TECRL: variants seen among roughly 807,000 people sequenced by gnomAD.
TECRL encodes the protein trans-2,3-enoyl-CoA reductase like, also known as trans-2,3-enoyl-CoA reductase-like.
TECRL carries 63 observed loss-of-function variants against 52.8 expected under a neutral mutation model. The observed-to-expected ratio is 1.19, with a 90% CI of 0.97 to 1.47. The LOEUF is 1.47. Ranked by LOEUF, TECRL falls within the 40% of genes most tolerant of loss-of-function variation. TECRL has a pLI of 0.00. For missense variants in TECRL, 482 were observed against 429.6 expected (o/e 1.12, Z -1.08); for synonymous variants, 164 against 141.9 (o/e 1.16, Z -1.10).
intron 1 of TECRL, among the ~76,000 whole-genome samples, chr4:64,403,430 T>TAGCA (rs1240176877): frequency 7.3e-5 from 11 of 149,992 alleles, no homozygotes; most frequent in Admixed American, 4.7e-4. Context: ...GAAAGCAAGC[T>TAGCA]AGCAAGCAAG....
chr4:64,339,447 T>A (rs199669039), intron 2 of TECRL, among the ~76,000 whole-genome samples: 90 of 150,158 alleles, frequency 6.0e-4, no homozygotes, highest in Non-Finnish European at 8.9e-4. Flanking sequence ...ATAATAAAAA[T>A]ATATATATAT....
At chr4:64,397,277 T>C (rs1724020611) in intron 1 of TECRL, among the ~76,000 whole-genome samples, 1 of 152,082 alleles carries the variant, frequency 6.6e-6, no homozygotes, top group Non-Finnish European at 1.5e-5. Flanking sequence ...TTATTTTCTC[T>C]GTAATACCAC....
At chr4:64,388,709 A>G (rs1207403008) in intron 1 of TECRL, among the ~76,000 whole-genome samples, 6 of 151,856 alleles carry the variant, frequency 4.0e-5, no homozygotes, top group Admixed American at 3.9e-4. Flanking sequence ...CATCCAGAGT[A>G]TTTTAGTTTT....
At chr4:64,353,223 A>C (rs1720522327) in intron 2 of TECRL, among the ~76,000 whole-genome samples, 1 of 152,224 alleles carries the variant, frequency 6.6e-6, no homozygotes, top group Non-Finnish European at 1.5e-5. Context: ...AATAAATACC[A>C]TGCTGTTAAA....
intron 1 of TECRL, among the ~76,000 whole-genome samples, chr4:64,394,290 T>A (rs530463882): frequency 1.3e-5 from 2 of 152,168 alleles, no homozygotes; most frequent in African/African-American, 4.8e-5. Flanking sequence ...CCTTATGGTA[T>A]AGAAGAGACA....
At chr4:64,407,401 T>C (rs1463936659) in intron 1 of TECRL, among the ~76,000 whole-genome samples, 1 of 151,928 alleles carries the variant, frequency 6.6e-6, no homozygotes, top group Admixed American at 6.6e-5. Context: ...CGTAAAAATA[T>C]AAAAATCCCT....
intron 2 of TECRL, among the ~76,000 whole-genome samples, chr4:64,374,029 T>TATATATGTATATAGTAGATAC (rs1413648909): frequency 1.1e-3 from 105 of 95,606 alleles, no homozygotes; most frequent in Middle Eastern, 6.1e-3. Flanking sequence ...TAGATACATA[T>TATATATGTATATAGTAGATAC]ATATATATGT....
At chr4:64,408,498 G>C (rs1458266811) in intron 1 of TECRL, among the ~76,000 whole-genome samples, 1 of 151,670 alleles carries the variant, frequency 6.6e-6, no homozygotes, top group Non-Finnish European at 1.5e-5. Context: ...TCATTCCTTA[G>C]TGCAACACCT....
intron 9 of TECRL, among the ~76,000 whole-genome samples, chr4:64,285,888 G>T (rs1029449585): frequency 6.6e-6 from 1 of 152,010 alleles, no homozygotes; most frequent in Admixed American, 6.6e-5. Context: ...CATGTTCTGG[G>T]ATTCAAGGAA....
rs941126111 is a variant in TECRL, at chr4:64,279,733, G to A, written c.*339C>T. 7 of 916,316 alleles carry A rather than the reference G, an allele frequency of 7.6e-6. No individual in the cohort carries two copies. The highest frequency in any genetic ancestry group is 8.9e-5 in the Admixed American group (1 of 11,198). 56.8% of individuals were successfully genotyped at this position (916,316 alleles called of 1,614,324 possible). On this transcript the variant is annotated 3_prime_UTR_variant, in exon 12 of 12. Transcript: ENST00000381210. Reference sequence around the variant, plus strand: ...CCTTTGGGAAATGTCTGTTCAGATCGCTTTTTCATTTGTTAATCAGATTTT... The same window carrying A: ...CCTTTGGGAAATGTCTGTTCAGATCACTTTTTCATTTGTTAATCAGATTTT...
intron 2 of TECRL, among the ~76,000 whole-genome samples, chr4:64,357,272 A>G (rs1037754911): frequency 1.3e-5 from 2 of 152,112 alleles, no homozygotes; most frequent in African/African-American, 2.4e-5. Context: ...ATCATATTGG[A>G]TAACTATTAA....
intron 2 of TECRL, among the ~76,000 whole-genome samples, chr4:64,370,247 GA>G (rs1391728643): frequency 6.6e-6 from 1 of 151,734 alleles, no homozygotes; most frequent in African/African-American, 2.4e-5. Context: ...ATTTGAAGAG[GA>G]AATATGGATG....
rs369651064 is a variant in TECRL, at chr4:64,375,215, T to C, written c.243A>G (p.Gln81=). 72 of 1,407,444 alleles carry C rather than the reference T, an allele frequency of 5.1e-5. No individual in the cohort carries two copies. In the East Asian group the frequency reaches 1.5e-3, roughly 29 times the overall value. 87.2% of individuals were successfully genotyped at this position (1,407,444 alleles called of 1,614,324 possible). The change falls in exon 2 of 12, where the codon CAA becomes CAG. Residue 81 remains glutamine, a synonymous_variant. Coordinates refer to ENST00000381210, the MANE Select transcript of TECRL (RefSeq NM_001010874.5). ...KQICILDKVT[Q]SSTIHDVKQK... is the part of the protein sequence containing the mutation. Reference sequence around the variant, plus strand: ...GCTTAACATCATGAATAGTAGATGATTGTGTCACCTGAAAAGGAAAAGAAA... The same window carrying C: ...GCTTAACATCATGAATAGTAGATGACTGTGTCACCTGAAAAGGAAAAGAAA...
At chr4:64,314,931 G>C (rs1336341043) in intron 4 of TECRL, among the ~76,000 whole-genome samples, 168 bp from the exon 5 acceptor site, 1 of 152,126 alleles carries the variant, frequency 6.6e-6, no homozygotes, top group Non-Finnish European at 1.5e-5. Context: ...ACCAGGGGGA[G>C]AAAGCCTAAT....
chr4:64,296,316 C>G (rs1009995675), intron 8 of TECRL, among the ~76,000 whole-genome samples: 1 of 151,720 alleles, frequency 6.6e-6, no homozygotes, highest in Middle Eastern at 3.2e-3. Context: ...CTTCTGTACC[C>G]GAGGTTCTTT....
chr4:64,361,296 C>G (rs373345731), intron 2 of TECRL, among the ~76,000 whole-genome samples: 1 of 152,114 alleles, frequency 6.6e-6, no homozygotes, highest in African/African-American at 2.4e-5. Context: ...GTGACTTATA[C>G]GCATACACAG....
chr4:64,400,670 A>G (rs971186086), intron 1 of TECRL, among the ~76,000 whole-genome samples: 2 of 152,074 alleles, frequency 1.3e-5, no homozygotes, highest in African/African-American at 4.8e-5. Flanking sequence ...TCCTCTTCAT[A>G]GTGAGTGAGT....
chr4:64,276,480 T>G (rs1577782383), downstream of TECRL: 1 of 151,970 alleles, frequency 6.6e-6, no homozygotes, highest in East Asian at 1.9e-4. Flanking sequence ...TTCATTAATG[T>G]TTTTCCTATG....
At chr4:64,393,818 G>C (rs955829135) in intron 1 of TECRL, among the ~76,000 whole-genome samples, 1 of 151,774 alleles carries the variant, frequency 6.6e-6, no homozygotes, top group Non-Finnish European at 1.5e-5. Context: ...TCCCAGTTAC[G>C]ATTACAATAT....
Sources: allele counts gnomAD v4.1 joint callset (sites outside exome capture counted in the v4.1 genomes callset), GRCh38; gene constraint gnomAD v4.1.1; transcripts MANE v1.5; gene names NCBI Gene and HGNC (gene_info 2026-07-23, HGNC 2026-07-21).